Variants in ASCC2 observed in about 807,000 individuals in gnomAD.
ASCC2 encodes ASC-1 complex subunit P100.
ASCC2 carries 42 observed loss-of-function variants against 93.5 expected under a neutral mutation model. The observed-to-expected ratio is 0.45, with a 90% confidence interval of 0.35 to 0.58. ASCC2 has a LOEUF of 0.58. Among genes scored for constraint, ASCC2 ranks in the 20% least tolerant of loss-of-function variants. The pLI, the probability that ASCC2 is intolerant of heterozygous loss-of-function variation, is 0.00. For missense variants in ASCC2, 859 were observed against 977.6 expected, an observed-to-expected ratio of 0.88 and a Z score of 1.62; for synonymous variants, 364 against 384.2, an observed-to-expected ratio of 0.95 and a Z score of 0.62.
In ASCC2 at chr22:29,825,405, G is replaced by A; in HGVS notation, c.241-148C>T. 1 of 1,186,528 alleles carries A rather than the reference G, an allele frequency of 8.4e-7. No homozygotes were observed. Among genetic ancestry groups the A allele is most frequent in the Non-Finnish European group, 1.2e-6 (1 of 847,228 alleles). The allele number at this position is 1,186,528 out of a possible 1,614,324, so 73.5% of individuals were successfully genotyped here. On this transcript the variant is annotated intron_variant, in intron 3 of 19. Coordinates refer to ENST00000307790, the MANE Select transcript of ASCC2 (RefSeq NM_032204.5). The surrounding 1 kb of genome is among the most constrained non-coding windows in gnomAD (Gnocchi z 4.9). ...GACCAAGGAGGTATGAATGAGCCAA[G>A]GGCTAAACACAAGATTCTAAAATTG... is the stretch of plus-strand genomic sequence containing the variant.
At chr22:29,791,886 G>A (rs1215005026) in intron 18 of ASCC2, among the ~76,000 whole-genome samples, 6 of 152,208 alleles carry the variant, frequency 3.9e-5, no homozygotes, top group East Asian at 1.9e-4. Flanking sequence ...ACTCATTGCC[G>A]TTGGTGACCT....
intron 19 of ASCC2, among the ~76,000 whole-genome samples, chr22:29,789,730 C>G (rs140150): frequency 0.32 from 48,978 of 152,116 alleles, 8,737 homozygotes; most frequent in East Asian, 0.59. Context: ...TGGCTCCCCA[C>G]TGCCTTCAGA....
chr22:29,792,357 G>A, intron 18 of ASCC2, 76 bp downstream of exon 18: 2 of 1,585,922 alleles, frequency 1.3e-6, no homozygotes, highest in South Asian at 2.3e-5. Context: ...CAGACATAGG[G>A]AGGGGTGAGG....
intron 5 of ASCC2, 110 bp downstream of exon 5, chr22:29,822,225 C>A: frequency 7.0e-7 from 1 of 1,427,828 alleles, no homozygotes; most frequent in Non-Finnish European, 9.6e-7. Context: ...GACTCCCTGC[C>A]CCTATCGCCC....
chr22:29,798,688 G>A (rs1197486009), intron 15 of ASCC2, among the ~76,000 whole-genome samples: 1 of 152,172 alleles, frequency 6.6e-6, no homozygotes, highest in African/African-American at 2.4e-5. Flanking sequence ...ATGGGATTAG[G>A]ACATGTGTCC....
intron 4 of ASCC2, among the ~76,000 whole-genome samples, chr22:29,824,341 G>A (rs1020841602): frequency 8.5e-5 from 13 of 152,168 alleles, no homozygotes; most frequent in African/African-American, 2.9e-4. Flanking sequence ...AGGGTTGGGT[G>A]TAGTGGCTCA....
At chr22:29,797,377 A>G (rs2058571015) in intron 15 of ASCC2, among the ~76,000 whole-genome samples, 2 of 152,172 alleles carry the variant, frequency 1.3e-5, no homozygotes, top group African/African-American at 4.8e-5. Flanking sequence ...GAACTTCTAA[A>G]GAGCCTGTGG....
At chr22:29,792,788 C>T (rs1301485092) in intron 17 of ASCC2, among the ~76,000 whole-genome samples, 1 of 152,032 alleles carries the variant, frequency 6.6e-6, no homozygotes, top group Non-Finnish European at 1.5e-5. Flanking sequence ...GTCGGGACAG[C>T]TCTGCTTGGA....
chr22:29,812,508 C>T (rs1055629979), intron 8 of ASCC2, among the ~76,000 whole-genome samples: 3 of 152,212 alleles, frequency 2.0e-5, no homozygotes, highest in African/African-American at 7.2e-5. Context: ...TGGATAAAAG[C>T]CTCCAGGGGC....
chr22:29,798,954 T>G (rs535882353), intron 15 of ASCC2, among the ~76,000 whole-genome samples: 11 of 152,390 alleles, frequency 7.2e-5, no homozygotes, highest in Middle Eastern at 6.8e-3. Context: ...TGAGTCTCTC[T>G]GCGTGCCAGC....
In ASCC2 at chr22:29,789,000, C is replaced by T. The variant is rs762325834; in HGVS notation, c.*13G>A. 1 of 1,614,090 alleles carries T rather than the reference C, an allele frequency of 6.2e-7. No individual in the cohort carries two copies. The highest frequency in any genetic ancestry group is 8.5e-7 in the Non-Finnish European group (1 of 1,179,968). ...CTGGTGCCGCTGCCTCCCCACTGGC[C>T]CTGCACCAGGTCTCAGGATGGGATC... is the stretch of plus-strand genomic sequence containing the variant. On this transcript the variant is annotated 3_prime_UTR_variant, in exon 20 of 20. Coordinates refer to ENST00000307790, the MANE Select transcript of ASCC2 (RefSeq NM_032204.5).
chr22:29,814,898 T>C, intron 6 of ASCC2, 131 bp from the exon 7 acceptor site: 1 of 684,252 alleles, frequency 1.5e-6, no homozygotes, highest in Non-Finnish European at 2.4e-6. Flanking sequence ...TTCCAGGATA[T>C]AAGCTGAGAC....
At chr22:29,808,279 C>T (rs1030219356) in intron 8 of ASCC2, 94 bp from the exon 9 acceptor site, 29 of 1,304,958 alleles carry the variant, frequency 2.2e-5, no homozygotes, top group African/African-American at 2.9e-5. Context: ...TGGGAAGGCC[C>T]ATTTCTTTTT....
intron 1 of ASCC2, among the ~76,000 whole-genome samples, chr22:29,837,883 C>A (rs1420400782): frequency 1.3e-5 from 2 of 152,222 alleles, no homozygotes; most frequent in Admixed American, 1.3e-4. Flanking sequence ...ATAGGAAGCA[C>A]TCCACAAATA....
rs1457982297 is a variant in ASCC2, at chr22:29,802,184, C to T, written c.1378G>A (p.Gly460Ser). The change falls in exon 14 of 20, where the codon GGC (glycine) becomes AGC (serine). Residue 460 changes from glycine to serine, a missense_variant. By Grantham distance (56) the Gly-to-Ser change is moderately conservative. Transcript: ENST00000307790. ...EECMGAAAAV[G>S]PAMCGVELDS... ...AGTTCCACCCCACACATGGCAGGGC[C>T]CACAGCCGCGGCTGCTCCCATGCAC... 6.2e-7 allele frequency: 1 copy of T among 1,614,164 alleles called. No individual in the cohort carries two copies. Among genetic ancestry groups the T allele is most frequent in the Admixed American group, 1.7e-5 (1 of 60,030 alleles).
intron 9 of ASCC2, 61 bp from the exon 10 acceptor site, chr22:29,806,965 G>A: frequency 1.5e-6 from 2 of 1,344,244 alleles, no homozygotes; most frequent in Non-Finnish European, 2.1e-6. Context: ...GGGGCCAGGT[G>A]CAGTGGTTTA....
intron 5 of ASCC2, among the ~76,000 whole-genome samples, chr22:29,820,368 C>G (rs1569413504): frequency 6.6e-6 from 1 of 151,710 alleles, no homozygotes; most frequent in Non-Finnish European, 1.5e-5. Flanking sequence ...TTCACTATGT[C>G]GGCCAGATTG....
chr22:29,801,076 A>G lies in ASCC2; in HGVS notation c.1603T>C (p.Ser535Pro). The G allele has an allele frequency of 6.2e-7, 1 of 1,608,498 alleles. No homozygotes were observed. The highest frequency in any genetic ancestry group is 8.5e-7 in the Non-Finnish European group (1 of 1,175,498). The part of the protein sequence containing the change: ...MKPDPTPLLT[S>P]RHNVFQNDEF... ...TCATTCTGGAAGACGTTGTGGCGAG[A>G]CGTCAGCAGGGGTGTAGGGTCTGGT... Residue 535 changes from serine (S) to proline (P), a missense_variant, in exon 15 of 20, where the codon TCT becomes CCT. Transcript: ENST00000307790.
At position 29,804,667 on chromosome 22, in the gene ASCC2, A is replaced by G; in HGVS notation, c.1324T>C (p.Ser442Pro). ...TCTTCCTCCGAGTTCTCCGGATGTG[A>G]TGATGCTTGACTGACTGCCTCTGCT... ...VTAEAVSQASSHPENSEEEEC... is the reference protein window; with the variant it reads ...VTAEAVSQASPHPENSEEEEC... The change falls in exon 13 of 20, where the codon TCA becomes CCA. Residue 442 changes from serine (S) to proline (P), a missense_variant. Physicochemically the swap from Ser to Pro is moderately conservative, Grantham distance 74. Transcript: ENST00000307790. 6.2e-7 allele frequency: 1 copy of G among 1,614,018 alleles called. No individual in the cohort carries two copies. Among genetic ancestry groups the G allele is most frequent in the Non-Finnish European group, 8.5e-7 (1 of 1,179,994 alleles).
Sources: allele counts gnomAD v4.1 joint callset (sites outside exome capture counted in the v4.1 genomes callset), GRCh38; gene constraint gnomAD v4.1.1; non-coding constraint Gnocchi (gnomAD v3.1); transcripts MANE v1.5; gene names NCBI Gene and HGNC (gene_info 2026-07-23, HGNC 2026-07-21).